PRKCH: variants seen among roughly 807,000 people sequenced by gnomAD.
The protein encoded by PRKCH is protein kinase C eta, also known as protein kinase C eta type.
A neutral mutation model predicts 82.5 loss-of-function variants in PRKCH; 28 were observed. That is an observed-to-expected ratio of 0.34 (90% CI 0.25 to 0.47). PRKCH has a LOEUF of 0.47. PRKCH is among the 20% of genes least tolerant of loss of function. The pLI, the probability that PRKCH is intolerant of heterozygous loss-of-function variation, is 1.00. For missense variants in PRKCH, 705 were observed against 881.8 expected, an observed-to-expected ratio of 0.80 and a Z score of 2.54; for synonymous variants, 322 against 327.4, an observed-to-expected ratio of 0.98 and a Z score of 0.18.
chr14:61,302,593 C>T (rs369367106), intron 1 of PRKCH, among the ~76,000 whole-genome samples: 3 of 152,174 alleles, frequency 2.0e-5, no homozygotes, highest in Admixed American at 6.5e-5. Flanking sequence ...AATTATTATT[C>T]AGGCTAAAAT....
intron 1 of PRKCH, among the ~76,000 whole-genome samples, chr14:61,239,328 C>G (rs2044815622): frequency 6.6e-6 from 1 of 152,086 alleles, no homozygotes; most frequent in Non-Finnish European, 1.5e-5. Context: ...GGCCAACAAA[C>G]AAGACAAGGT....
At chr14:61,445,576 T>C (rs1054083699) in intron 3 of PRKCH, 116 bp from the exon 4 acceptor site, 14 of 908,454 alleles carry the variant, frequency 1.5e-5, no homozygotes, top group African/African-American at 1.3e-4. Context: ...CTTTGCTTCT[T>C]CCCTGAAATT....
At chr14:61,350,122 TGC>T (rs1566832537) in intron 1 of PRKCH, among the ~76,000 whole-genome samples, 73 of 152,156 alleles carry the variant, frequency 4.8e-4, no homozygotes, top group African/African-American at 1.7e-3. Context: ...ATTTATATAG[TGC>T]TTTATATGCT....
chr14:61,549,806 A>G lies in PRKCH; in HGVS notation c.2027A>G (p.Tyr676Cys), dbSNP rs924097629. 2 of 1,614,080 alleles carry G rather than the reference A, an allele frequency of 1.2e-6. No individual in the cohort carries two copies. Among genetic ancestry groups the G allele is most frequent in the South Asian group, 1.1e-5 (1 of 91,078 alleles). Reference protein sequence around the residue: ...INQDEFRNFSYVSPELQP With the variant: ...INQDEFRNFSCVSPELQP ...CAGGATGAGTTTAGAAACTTTTCCT[A>G]TGTGTCTCCAGAATTGCAACCATAG... Residue 676 changes from tyrosine (Y) to cysteine (C), a missense_variant, in exon 14 of 14, where the codon TAT (tyrosine) becomes TGT (cysteine). By Grantham distance (194) the Tyr-to-Cys change is radical. Transcript: ENST00000332981.
intron 2 of PRKCH, chr14:61,442,751 T>G (rs1458101680): frequency 6.4e-6 from 1 of 156,674 alleles, no homozygotes; most frequent in African/African-American, 2.4e-5. Context: ...GGCATCACAG[T>G]GAGACCTCCA....
intron 10 of PRKCH, among the ~76,000 whole-genome samples, chr14:61,509,988 A>G (rs979965891): frequency 1.3e-5 from 2 of 152,098 alleles, no homozygotes; most frequent in South Asian, 2.1e-4. Flanking sequence ...AGGAGATGAC[A>G]CTTGATTCTG....
chr14:61,295,544 C>T (rs970921206), intron 1 of PRKCH, among the ~76,000 whole-genome samples: 1 of 152,092 alleles, frequency 6.6e-6, no homozygotes, highest in South Asian at 2.1e-4. Context: ...TGAGCGGCAA[C>T]GTGGAATAGT....
chr14:61,297,957 A>G (rs1397012334), intron 1 of PRKCH, among the ~76,000 whole-genome samples: 5 of 152,126 alleles, frequency 3.3e-5, no homozygotes, highest in African/African-American at 1.2e-4. Flanking sequence ...AATAAAATTA[A>G]TTGGCTTTCA....
chr14:61,259,159 G>A (rs1228707362), intron 1 of PRKCH, among the ~76,000 whole-genome samples: 6 of 152,150 alleles, frequency 3.9e-5, no homozygotes, highest in African/African-American at 1.4e-4. Context: ...TATCCTGTCA[G>A]AGTGTTCCTT....
intron 1 of PRKCH, among the ~76,000 whole-genome samples, chr14:61,248,300 G>A (rs1462845863): frequency 6.6e-6 from 1 of 152,114 alleles, no homozygotes; most frequent in African/African-American, 2.4e-5. Flanking sequence ...CATTTGGCAT[G>A]TTACCTCAAC....
intron 6 of PRKCH, 125 bp downstream of exon 6, chr14:61,451,096 CT>C: frequency 8.2e-7 from 1 of 1,225,122 alleles, no homozygotes; most frequent in Non-Finnish European, 1.1e-6. Flanking sequence ...AAATCAACAT[CT>C]TAGTCATTTT....
At position 61,272,986 on chromosome 14, in the gene PRKCH, A is replaced by C. The variant is rs560868440; in HGVS notation, c.-19+85318A>C. Among the ~76,000 whole-genome samples, 14 of 152,346 alleles carry C rather than the reference A, an allele frequency of 9.2e-5. No individual in the cohort carries two copies. The East Asian group carries it at 2.7e-3, about 29-fold the overall frequency. On this transcript the variant is annotated intron_variant, in intron 1 of 3. Coordinates refer to the PRKCH transcript ENST00000555185. The stretch of plus-strand genomic sequence containing the variant: ...TTCCAGAATCAGAGGAAAGTTTAAC[A>C]TAACAAAATTTTATAGCTCCTGCCC...
chr14:61,255,641 A>G (rs1420792654), intron 1 of PRKCH, among the ~76,000 whole-genome samples: 1 of 152,172 alleles, frequency 6.6e-6, no homozygotes, highest in Non-Finnish European at 1.5e-5. Flanking sequence ...GTACTTGGCA[A>G]ACATTAATTA....
intron 1 of PRKCH, among the ~76,000 whole-genome samples, chr14:61,339,161 C>A (rs1055378667): frequency 6.6e-6 from 1 of 151,532 alleles, no homozygotes; most frequent in Non-Finnish European, 1.5e-5. Flanking sequence ...TCTGCTTGGG[C>A]CATTGTTTAG....
chr14:61,457,575 C>G lies in PRKCH; in HGVS notation c.1174C>G (p.Leu392Val). ...GAAGGTGCTGAAGAAGGACGTGATT[C>G]TGCAGGATGATGATGTGGAATGCAC... ...AVKVLKKDVI[L>V]QDDDVECTMT... Residue 392 changes from leucine (L) to valine (V), a missense_variant, in exon 9 of 14, where the codon CTG (leucine) becomes GTG (valine). Coordinates refer to ENST00000332981, the MANE Select transcript of PRKCH (RefSeq NM_006255.5). 1 of 1,614,108 alleles carries G rather than the reference C, an allele frequency of 6.2e-7. No homozygotes were observed. The highest frequency in any genetic ancestry group is 8.5e-7 in the Non-Finnish European group (1 of 1,180,012).
chr14:61,337,581 T>G (rs1011397241), intron 1 of PRKCH, among the ~76,000 whole-genome samples: 1 of 152,146 alleles, frequency 6.6e-6, no homozygotes, highest in Admixed American at 6.5e-5. Flanking sequence ...CCACCGTGGT[T>G]GGCTAATTAG....
At chr14:61,371,279 C>A (rs2046361672) in intron 1 of PRKCH, among the ~76,000 whole-genome samples, 1 of 152,044 alleles carries the variant, frequency 6.6e-6, no homozygotes, top group Admixed American at 6.5e-5. Context: ...TAGTATGCTA[C>A]ATTGTCACAG....
intron 1 of PRKCH, among the ~76,000 whole-genome samples, chr14:61,311,888 A>C (rs2045527964): frequency 6.6e-6 from 1 of 152,242 alleles, no homozygotes; most frequent in Non-Finnish European, 1.5e-5. Context: ...ACATGGCAGC[A>C]GGTGAGAGAG....
chr14:61,420,131 G>A (rs1046567700), intron 2 of PRKCH, among the ~76,000 whole-genome samples: 35 of 152,162 alleles, frequency 2.3e-4, no homozygotes, highest in African/African-American at 8.4e-4. Flanking sequence ...TTCCAAGGTG[G>A]ATTTTTATCC....
Sources: gnomAD v4.1 joint callset for allele counts (sites outside exome capture counted in the v4.1 genomes callset) on GRCh38, gnomAD v4.1.1 for gene constraint, MANE v1.5 for transcripts, NCBI Gene and HGNC (gene_info 2026-07-23, HGNC 2026-07-21) for gene names.